DNAAF2: variants seen among roughly 807,000 people sequenced by gnomAD.
DNAAF2 encodes the protein protein kintoun.
A neutral mutation model predicts 48.8 loss-of-function variants in DNAAF2; 58 were observed. The observed-to-expected ratio is 1.19, with a 90% CI of 0.96 to 1.48. The LOEUF (loss-of-function observed/expected upper bound fraction) is 1.48. Ranked by LOEUF, DNAAF2 falls within the 40% of genes most tolerant of loss-of-function variation. The pLI, the probability that DNAAF2 is intolerant of heterozygous loss-of-function variation, is 0.00. For synonymous variants in DNAAF2, 567 were observed against 481.2 expected (o/e 1.18, Z -2.33); for missense variants, 1,241 against 1,116.1 (o/e 1.11, Z -1.59).
chr14:49,627,868 A>G (rs1261104243), intron 2 of DNAAF2, 144 bp downstream of exon 2: 29 of 881,036 alleles, frequency 3.3e-5, no homozygotes, highest in Non-Finnish European at 4.7e-5. Flanking sequence ...AAAAAAAAAA[A>G]GAAAAACTTT....
At position 49,633,864 on chromosome 14, in the gene DNAAF2, T is replaced by G; in HGVS notation, c.1286A>C (p.Glu429Ala). The G allele has an allele frequency of 6.5e-7, 1 of 1,546,212 alleles. No homozygotes were observed. The highest frequency in any genetic ancestry group is 1.9e-5 in the Admixed American group (1 of 52,084). Residue 429 changes from glutamate (E) to alanine (A), a missense_variant, in exon 1 of 3, where the codon GAG becomes GCG. Coordinates refer to ENST00000298292, the MANE Select transcript of DNAAF2 (RefSeq NM_018139.3). ...CTCCCCCGGCTTGGGGACACGCTCC[T>G]CTCCAGCTGCGGCCGGCGGAGGCGC... ...EVAPPPAAAG[E>A]ERVPKPGEQD...
rs546792598 is a variant in DNAAF2, at chr14:49,631,283, T to G, written c.1863+2004A>C. Among the ~76,000 whole-genome samples, 16 of 152,266 alleles carry G rather than the reference T, an allele frequency of 1.1e-4. No individual in the cohort carries two copies. In the South Asian group the frequency reaches 3.1e-3, roughly 30 times the overall value. ...CAAATAATACACCAAATATTTTAATTTTTAGTTATCCGAAGGAATATATAG... is the reference window on the plus strand; with the variant it reads ...CAAATAATACACCAAATATTTTAATGTTTAGTTATCCGAAGGAATATATAG... On this transcript the variant is annotated intron_variant, in intron 1 of 2. Coordinates refer to ENST00000298292, the MANE Select transcript of DNAAF2 (RefSeq NM_018139.3).
chr14:49,630,370 A>C (rs955912393), intron 1 of DNAAF2, among the ~76,000 whole-genome samples: 1 of 152,182 alleles, frequency 6.6e-6, no homozygotes. Flanking sequence ...GTTCATGTCA[A>C]GTGAATACAG....
Position 49,625,524 on chromosome 14 carries a change from G to T in DNAAF2, c.*18C>A, listed in dbSNP as rs1347867828. The stretch of plus-strand genomic sequence containing the variant: ...TATTTTTTAACCTTAATATTTAAAA[G>T]TCCAAAATTATATAGAATTAATCCA... On this transcript the variant is annotated 3_prime_UTR_variant, in exon 3 of 3. Coordinates refer to ENST00000298292, the MANE Select transcript of DNAAF2 (RefSeq NM_018139.3). The T allele has an allele frequency of 6.8e-7, 1 of 1,470,596 alleles. No homozygotes were observed. Among genetic ancestry groups the T allele is most frequent in the Non-Finnish European group, 9.0e-7 (1 of 1,105,908 alleles). The allele number at this position is 1,470,596 out of a possible 1,614,324, so 91.1% of individuals were successfully genotyped here.
chr14:49,632,221 G>A (rs1834468840), intron 1 of DNAAF2, among the ~76,000 whole-genome samples: 1 of 152,134 alleles, frequency 6.6e-6, no homozygotes, highest in Non-Finnish European at 1.5e-5. Context: ...TCCCACTTCT[G>A]ATGACAAAAA....
At chr14:49,629,189 C>T (rs1044820456) in intron 1 of DNAAF2, 5 of 152,342 alleles carry the variant, frequency 3.3e-5, no homozygotes, top group African/African-American at 1.2e-4. Flanking sequence ...CCTCAAACTT[C>T]TGCACTCAAG....
Position 49,635,199 on chromosome 14 carries a change from T to G in DNAAF2, c.-50A>C. ...GGGCCAAAGGCGATCAGTCTGACAC[T>G]GGGTTGGGGGATCCGCCTCAGAGTT... On this transcript the variant is annotated 5_prime_UTR_variant, in exon 1 of 3. Coordinates refer to ENST00000298292, the MANE Select transcript of DNAAF2 (RefSeq NM_018139.3). 1 of 1,525,420 alleles carries G rather than the reference T, an allele frequency of 6.6e-7. No individual in the cohort carries two copies. Among genetic ancestry groups the G allele is most frequent in the Non-Finnish European group, 8.9e-7 (1 of 1,126,466 alleles). 94.5% of individuals were successfully genotyped at this position (1,525,420 alleles called of 1,614,324 possible). A position where few individuals can be genotyped will look rare whatever the true frequency, so the allele number is the denominator to read the frequency against.
Position 49,634,847 on chromosome 14 carries a change from G to A in DNAAF2, c.303C>T (p.Pro101=). 2.6e-6 allele frequency: 4 copies of A among 1,546,006 alleles called. No homozygotes were observed. Among genetic ancestry groups the A allele is most frequent in the Non-Finnish European group, 3.5e-6 (4 of 1,145,808 alleles). Residue 101 remains proline, a synonymous_variant, in exon 1 of 3, where the codon CCC becomes CCT. Transcript: ENST00000298292. ...CGCCACCGGAGCCGGGCCGGCTGCT[G>A]GGCGCGCCCACCAACGCGTTGCTGC... ...NVCSNALVGA[P]SSRPGSGGDR...
chr14:49,631,540 G>A (rs1883165225), intron 1 of DNAAF2, among the ~76,000 whole-genome samples: 1 of 152,134 alleles, frequency 6.6e-6, no homozygotes, highest in African/African-American at 2.4e-5. Context: ...CAGGAGAATG[G>A]CGTGAACCCG....
At chr14:49,633,171 C>G in intron 1 of DNAAF2, 116 bp downstream of exon 1, 1 of 1,209,002 alleles carries the variant, frequency 8.3e-7, no homozygotes, top group Non-Finnish European at 1.2e-6. Context: ...CCGCCCGCCT[C>G]GGCCTCCCAA....
chr14:49,633,853 G>C lies in DNAAF2; in HGVS notation c.1297C>G (p.Pro433Ala), dbSNP rs1442974795. The C allele has an allele frequency of 6.4e-7, 1 of 1,555,576 alleles. No individual in the cohort carries two copies. Among genetic ancestry groups the C allele is most frequent in the East Asian group, 2.4e-5 (1 of 42,188 alleles). The part of the protein sequence containing the change: ...PPAAAGEERV[P>A]KPGEQDLSRH... ...CTCAAGTCCTGCTCCCCCGGCTTGGGGACACGCTCCTCTCCAGCTGCGGCC... is the reference window on the plus strand; with the variant it reads ...CTCAAGTCCTGCTCCCCCGGCTTGGCGACACGCTCCTCTCCAGCTGCGGCC... Residue 433 changes from proline to alanine, a missense_variant, in exon 1 of 3, where the codon CCC (proline) becomes GCC (alanine). Transcript: ENST00000298292.
rs540493348 is a variant in DNAAF2 at position 49,626,788 on chromosome 14, C to G, written c.2008-740G>C. ...ACAGGTATGAGCCATCACGACTAGT[C>G]TGCTGCCAGTCTTTTTTTTTTTTTT... On this transcript the variant is annotated intron_variant, in intron 2 of 2. Transcript: ENST00000298292. 4.9e-3 allele frequency among the ~76,000 whole-genome samples: 671 copies of G among 135,850 alleles called. 5 individuals carry two copies. The highest frequency in any genetic ancestry group is 9.3e-3 in the Admixed American group (121 of 12,998). 89.1% of individuals were successfully genotyped at this position (135,850 alleles called of 152,430 possible). A position where few individuals can be genotyped will look rare whatever the true frequency, so the allele number is the denominator to read the frequency against.
intron 1 of DNAAF2, among the ~76,000 whole-genome samples, chr14:49,630,696 CACACATAAACTCTCT>C (rs781729114): frequency 1.4e-5 from 2 of 144,908 alleles, no homozygotes; most frequent in African/African-American, 5.3e-5. Context: ...CACACACACA[CACACATAAACTCTCT>C]ACACACACAC....
Position 49,628,067 on chromosome 14 carries a change from G to T in DNAAF2, c.1952C>A (p.Pro651Gln). 6.3e-7 allele frequency: 1 copy of T among 1,579,996 alleles called. No homozygotes were observed. Among genetic ancestry groups the T allele is most frequent in the East Asian group, 2.3e-5 (1 of 44,112 alleles). The change falls in exon 2 of 3, where the codon CCA (proline) becomes CAA (glutamine). Residue 651 changes from proline (P) to glutamine (Q), a missense_variant. Coordinates refer to ENST00000298292, the MANE Select transcript of DNAAF2 (RefSeq NM_018139.3). ...SPFKQSMSLT[P>Q]PLIEVLQVTD... The stretch of plus-strand genomic sequence containing the variant: ...AACTTGAAGAACTTCAATTAATGGT[G>T]GGGTCAAGGACATAGACTGTTTGAA...
chr14:49,626,544 GTCTTGC>G (rs1241218796), intron 2 of DNAAF2, among the ~76,000 whole-genome samples: 1 of 152,148 alleles, frequency 6.6e-6, no homozygotes, highest in African/African-American at 2.4e-5. Flanking sequence ...TTGAGACGGA[GTCTTGC>G]TCTGTCGCCC....
In DNAAF2 at chr14:49,627,994, G is replaced by A; in HGVS notation, c.2007+18C>T. 2 of 1,553,710 alleles carry A rather than the reference G, an allele frequency of 1.3e-6. No individual in the cohort carries two copies. Among genetic ancestry groups the A allele is most frequent in the Non-Finnish European group, 8.7e-7 (1 of 1,148,982 alleles). ...CTGTGCTTCATTACTCCTCTATAGA[G>A]CCCATCAACTTCCTTACCTTTGCAT... On this transcript the variant is annotated intron_variant, in intron 2 of 2. Coordinates refer to ENST00000298292, the MANE Select transcript of DNAAF2 (RefSeq NM_018139.3).
chr14:49,625,802 AT>A lies in DNAAF2; in HGVS notation c.2253del (p.Gln751HisfsTer5). 6.2e-7 allele frequency: 1 copy of A among 1,607,978 alleles called. No homozygotes were observed. The highest frequency in any genetic ancestry group is 8.5e-7 in the Non-Finnish European group (1 of 1,178,096). On this transcript the variant is annotated frameshift_variant, in exon 3 of 3. Coordinates refer to ENST00000298292, the MANE Select transcript of DNAAF2 (RefSeq NM_018139.3). LOFTEE classifies it high-confidence loss of function. ...GCACTTTTTTCTTTTATAAATTCAG[AT>A]TGCATTTTTGACTCAGGTTGCTGAG... ...GKSQQPESKM[Q>X]SEFIKEKSAT...
chr14:49,628,035 T>TA lies in DNAAF2; in HGVS notation c.1983dup (p.Asn662Ter). ...ACCTTTGCATTAATTTGAATCTTAT[T>TA]ATCAGTAACTTGAAGAACTTCAATT... is the stretch of plus-strand genomic sequence containing the variant. On this transcript the variant is annotated frameshift_variant, in exon 2 of 3. Coordinates refer to ENST00000298292, the MANE Select transcript of DNAAF2 (RefSeq NM_018139.3). LOFTEE classifies it low-confidence loss of function (END_TRUNC). 2 of 1,569,768 alleles carry TA rather than the reference T, an allele frequency of 1.3e-6. No homozygotes were observed. The highest frequency in any genetic ancestry group is 1.7e-6 in the Non-Finnish European group (2 of 1,155,732).
Position 49,625,959 on chromosome 14 carries a change from T to C in DNAAF2, c.2097A>G (p.Glu699=), listed in dbSNP as rs762653159. 6.2e-7 allele frequency: 1 copy of C among 1,610,864 alleles called. No individual in the cohort carries two copies. Among genetic ancestry groups the C allele is most frequent in the South Asian group, 1.1e-5 (1 of 89,922 alleles). Reference sequence around the variant, plus strand: ...AATCAGTTGTAGGGGTGTTACAATGTTCTATATATTCCTTTTCAGTTAGAT... The same window carrying C: ...AATCAGTTGTAGGGGTGTTACAATGCTCTATATATTCCTTTTCAGTTAGAT... ...ESHLTEKEYI[E]HCNTPTTDSD... The change falls in exon 3 of 3, where the codon GAA becomes GAG. Residue 699 remains glutamate, a synonymous_variant. Coordinates refer to ENST00000298292, the MANE Select transcript of DNAAF2 (RefSeq NM_018139.3).
Sources: allele counts gnomAD v4.1 joint callset (sites outside exome capture counted in the v4.1 genomes callset), GRCh38; gene constraint gnomAD v4.1.1; transcripts MANE v1.5; gene names NCBI Gene and HGNC (gene_info 2026-07-23, HGNC 2026-07-21).